NCKAP5: variants seen among roughly 807,000 people sequenced by gnomAD.
The protein encoded by NCKAP5 is NCK associated protein 5.
In NCKAP5, 92 loss-of-function variants were observed where a neutral mutation model predicts 167.0. The observed-to-expected ratio is 0.55, with a 90% CI of 0.47 to 0.66. The LOEUF (loss-of-function observed/expected upper bound fraction) is 0.66. NCKAP5 is among the 30% of genes least tolerant of loss of function. The probability of loss-of-function intolerance (pLI) is 0.00; values close to 1 mark genes in which losing one functional copy is unlikely to be tolerated. For missense variants in NCKAP5, 2,378 were observed against 2,315.0 expected (o/e 1.03, Z -0.56); for synonymous variants, 891 against 877.4 (o/e 1.02, Z -0.27).
At chr2:132,969,410 C>G (rs910026871) in intron 7 of NCKAP5, among the ~76,000 whole-genome samples, 1 of 152,130 alleles carries the variant, frequency 6.6e-6, no homozygotes, top group Admixed American at 6.5e-5. Context: ...AGCCTGAATT[C>G]TTAGAGAACA....
Position 133,562,623 on chromosome 2 carries a change from G to C in NCKAP5, c.-129-3506C>G, listed in dbSNP as rs147064070. ...TGCCATGTTATTATTCCCAGTGTATGCTCCAAAATGGGCTTGGGACTCTCC... is the reference window on the plus strand; with the variant it reads ...TGCCATGTTATTATTCCCAGTGTATCCTCCAAAATGGGCTTGGGACTCTCC... On this transcript the variant is annotated intron_variant, in intron 1 of 19. Transcript: ENST00000409261. Among the ~76,000 whole-genome samples, 605 of 152,260 alleles carry C rather than the reference G, an allele frequency of 4.0e-3. 2 individuals carry two copies. Among genetic ancestry groups the C allele is most frequent in the African/African-American group, 0.014 (573 of 41,562 alleles).
intron 3 of NCKAP5, among the ~76,000 whole-genome samples, chr2:133,453,705 C>T (rs796959411): frequency 2.0e-5 from 3 of 152,122 alleles, no homozygotes; most frequent in South Asian, 2.1e-4. Flanking sequence ...ATATATCCAA[C>T]GTGCTCTCTA....
At chr2:133,345,367 T>A (rs1487406943) in intron 3 of NCKAP5, among the ~76,000 whole-genome samples, 2 of 152,194 alleles carry the variant, frequency 1.3e-5, no homozygotes, top group African/African-American at 4.8e-5. Flanking sequence ...ATACTCCATT[T>A]TCATCATAGT....
At chr2:133,370,510 T>A (rs950415808) in intron 3 of NCKAP5, among the ~76,000 whole-genome samples, 1 of 152,180 alleles carries the variant, frequency 6.6e-6, no homozygotes, top group African/African-American at 2.4e-5. Flanking sequence ...AAAAGGGTTT[T>A]AATCTGGGTG....
intron 10 of NCKAP5, among the ~76,000 whole-genome samples, chr2:132,868,080 T>TA (rs1186764650): frequency 6.6e-6 from 1 of 152,104 alleles, no homozygotes; most frequent in African/African-American, 2.4e-5. Context: ...TATTTTCAAT[T>TA]AAAAAAATCA....
chr2:133,146,832 A>G (rs1339104018), intron 5 of NCKAP5, among the ~76,000 whole-genome samples: 1 of 152,160 alleles, frequency 6.6e-6, no homozygotes, highest in East Asian at 1.9e-4. Context: ...CCTCACGTGC[A>G]TACACCTTAA....
At chr2:132,869,623 C>T (rs1038631938) in intron 9 of NCKAP5, among the ~76,000 whole-genome samples, 3 of 152,176 alleles carry the variant, frequency 2.0e-5, no homozygotes, top group Non-Finnish European at 4.4e-5. Context: ...CATTTCCCAG[C>T]CATTCTTGTA....
At chr2:133,127,809 G>A (rs180989914) in intron 6 of NCKAP5, among the ~76,000 whole-genome samples, 1 of 152,244 alleles carries the variant, frequency 6.6e-6, no homozygotes, top group Admixed American at 6.5e-5. Flanking sequence ...AGACACAAAG[G>A]GAGAGTTGCC....
At chr2:132,982,689 G>A (rs1440746448) in intron 7 of NCKAP5, among the ~76,000 whole-genome samples, 1 of 152,094 alleles carries the variant, frequency 6.6e-6, no homozygotes, top group Non-Finnish European at 1.5e-5. Flanking sequence ...GGAGTCCCCA[G>A]TATCTTTTGT....
intron 3 of NCKAP5, among the ~76,000 whole-genome samples, chr2:133,477,997 G>A (rs1680084651): frequency 6.6e-6 from 1 of 152,190 alleles, no homozygotes; most frequent in East Asian, 1.9e-4. Context: ...GATAAGAGGG[G>A]ACTGCTGTGC....
Position 132,773,706 on chromosome 2 carries a change from ACACT to A in NCKAP5, c.5128+106_5128+109del. 3 of 856,736 alleles carry A rather than the reference ACACT, an allele frequency of 3.5e-6. No individual in the cohort carries two copies. The East Asian group carries it at 7.6e-5, about 22-fold the overall frequency. The allele number at this position is 856,736 out of a possible 1,614,324, so 53.1% of individuals were successfully genotyped here. ...AATGGCAACCATGTGTGAATAGTTA[ACACT>A]CAGTCTTGATAGAGGGACATGGTCT... On this transcript the variant is annotated intron_variant, in intron 16 of 19. Transcript: ENST00000409261.
At chr2:132,715,882 C>T (rs1407437061) in intron 19 of NCKAP5, among the ~76,000 whole-genome samples, 3 of 152,158 alleles carry the variant, frequency 2.0e-5, no homozygotes, top group Non-Finnish European at 4.4e-5. Context: ...TATTTTGGCA[C>T]AAACATTTGA....
At chr2:132,781,891 G>A (rs1683063507) in intron 14 of NCKAP5, 49 bp downstream of exon 14, 1 of 1,528,628 alleles carries the variant, frequency 6.5e-7, no homozygotes, top group Non-Finnish European at 8.8e-7. Flanking sequence ...TCTTTTAAAG[G>A]TGGTGGAGGG....
chr2:132,982,301 A>C (rs1347046193), intron 7 of NCKAP5, among the ~76,000 whole-genome samples: 2 of 152,230 alleles, frequency 1.3e-5, no homozygotes, highest in East Asian at 3.8e-4. Context: ...ACTACATAGA[A>C]GAGGAAAGTG....
chr2:133,017,853 T>C (rs2078393718), intron 6 of NCKAP5, among the ~76,000 whole-genome samples: 1 of 151,786 alleles, frequency 6.6e-6, no homozygotes, highest in African/African-American at 2.4e-5. Context: ...TACTTTGCAA[T>C]GGGCAACACT....
At chr2:133,214,315 C>G (rs540497659) in intron 4 of NCKAP5, among the ~76,000 whole-genome samples, 16 of 152,160 alleles carry the variant, frequency 1.1e-4, no homozygotes, top group Non-Finnish European at 1.8e-4. Context: ...TTCATTATGC[C>G]CATTTTATAG....
intron 5 of NCKAP5, among the ~76,000 whole-genome samples, chr2:133,208,264 G>A (rs528645035): frequency 2.0e-4 from 30 of 152,226 alleles, no homozygotes; most frequent in African/African-American, 6.7e-4. Context: ...TCTTGAGCCC[G>A]GCAGGAGAGG....
the NCKAP5 span, among the ~76,000 whole-genome samples, chr2:133,631,177 AT>A: frequency 6.6e-6 from 1 of 152,186 alleles, no homozygotes; most frequent in Non-Finnish European, 1.5e-5. Context: ...GTAAAGTATG[AT>A]TTTCAATTAT....
At chr2:133,128,111 A>C (rs2082462182) in intron 6 of NCKAP5, among the ~76,000 whole-genome samples, 1 of 152,184 alleles carries the variant, frequency 6.6e-6, no homozygotes, top group African/African-American at 2.4e-5. Flanking sequence ...TCTCCCTGCA[A>C]CACATCTAAA....
Sources: allele counts gnomAD v4.1 joint callset (sites outside exome capture counted in the v4.1 genomes callset), GRCh38; gene constraint gnomAD v4.1.1; transcripts MANE v1.5; gene names NCBI Gene and HGNC (gene_info 2026-07-23, HGNC 2026-07-21).